Variants in PHKB observed in about 807,000 individuals in gnomAD.
The protein encoded by PHKB is phosphorylase kinase regulatory subunit beta, also known as phosphorylase b kinase regulatory subunit beta.
In PHKB, 122 loss-of-function variants were observed where a neutral mutation model predicts 152.1. That is an observed-to-expected ratio of 0.80 (90% CI 0.69 to 0.93). The LOEUF is 0.93. Among genes scored for constraint, PHKB ranks in the 40% least tolerant of loss-of-function variants. The pLI is 0.00. For synonymous variants in PHKB, 436 were observed against 464.9 expected, an observed-to-expected ratio of 0.94 and a Z score of 0.80; for missense variants, 1,304 against 1,328.4, an observed-to-expected ratio of 0.98 and a Z score of 0.29.
At chr16:47,687,233 A>G (rs1973980260) in intron 26 of PHKB, among the ~76,000 whole-genome samples, 2 of 152,256 alleles carry the variant, frequency 1.3e-5, no homozygotes, top group Non-Finnish European at 2.9e-5. Context: ...TGCCTGGTCT[A>G]TAAAATAAAA....
At chr16:47,652,731 C>T (rs910264552) in intron 20 of PHKB, among the ~76,000 whole-genome samples, 3 of 152,102 alleles carry the variant, frequency 2.0e-5, no homozygotes, top group African/African-American at 7.2e-5. Context: ...CTCCCTCGAC[C>T]ACCTAAGCTC....
intron 1 of PHKB, among the ~76,000 whole-genome samples, chr16:47,483,897 A>G (rs116970146): frequency 0.012 from 1,767 of 152,326 alleles, 15 homozygotes; most frequent in Non-Finnish European, 0.016. Context: ...TGTGCCAGGC[A>G]CTGTTGGCAC....
intron 14 of PHKB, among the ~76,000 whole-genome samples, chr16:47,638,981 A>ATGG (rs1567337117): frequency 6.6e-6 from 1 of 152,356 alleles, no homozygotes; most frequent in East Asian, 1.9e-4. Flanking sequence ...TTGGACAACA[A>ATGG]TGGTGGTGGT....
At chr16:47,504,870 A>G (rs778427848) in intron 4 of PHKB, among the ~76,000 whole-genome samples, 1 of 152,246 alleles carries the variant, frequency 6.6e-6, no homozygotes, top group Non-Finnish European at 1.5e-5. Flanking sequence ...CCACTGGCCC[A>G]TCTCACCCAG....
chr16:47,549,394 A>G (rs941146814), intron 7 of PHKB, among the ~76,000 whole-genome samples: 1 of 152,194 alleles, frequency 6.6e-6, no homozygotes, highest in East Asian at 1.9e-4. Context: ...TTTTCTGTTT[A>G]TAAAAACTGC....
intron 26 of PHKB, among the ~76,000 whole-genome samples, chr16:47,685,415 ACTC>A (rs1011056728): frequency 1.3e-5 from 2 of 151,828 alleles, no homozygotes; most frequent in Non-Finnish European, 2.9e-5. Context: ...ACAGGGCGAG[ACTC>A]CTCCTCAAAA....
At chr16:47,470,470 G>T (rs990574472) in intron 1 of PHKB, among the ~76,000 whole-genome samples, 1 of 152,248 alleles carries the variant, frequency 6.6e-6, no homozygotes, top group African/African-American at 2.4e-5. Flanking sequence ...CAACTTTCCA[G>T]AGTGGGCGTT....
At chr16:47,559,324 T>TG (rs1279725052) in intron 7 of PHKB, among the ~76,000 whole-genome samples, 4 of 152,230 alleles carry the variant, frequency 2.6e-5, no homozygotes, top group Non-Finnish European at 5.9e-5. Context: ...CTAATTGTTC[T>TG]GGGTACATGG....
In PHKB at chr16:47,700,632, G is replaced by C. The variant is rs1245130318; in HGVS notation, c.*1266G>C. On this transcript the variant is annotated 3_prime_UTR_variant, in exon 31 of 31. Coordinates refer to ENST00000323584, the MANE Select transcript of PHKB (RefSeq NM_000293.3). ...TAAACTTTAATGAAAGTAGAAAGTA[G>C]ATTAAACATTTAAATTTTATTTCTT... The C allele has an allele frequency of 6.6e-6, 1 of 151,554 alleles. No individual in the cohort carries two copies. Among genetic ancestry groups the C allele is most frequent in the Non-Finnish European group, 1.5e-5 (1 of 67,920 alleles). 9.4% of individuals were successfully genotyped at this position (151,554 alleles called of 1,614,324 possible). A position where few individuals can be genotyped will look rare whatever the true frequency, so the allele number is the denominator to read the frequency against.
At chr16:47,510,487 C>T (rs1970491987) in intron 4 of PHKB, among the ~76,000 whole-genome samples, 1 of 152,096 alleles carries the variant, frequency 6.6e-6, no homozygotes, top group Admixed American at 6.5e-5. Context: ...TTCTTTTTGC[C>T]CCTGTTGCTC....
intron 13 of PHKB, chr16:47,598,957 A>G: frequency 7.0e-7 from 1 of 1,428,594 alleles, no homozygotes; most frequent in Non-Finnish European, 9.8e-7. Flanking sequence ...AGTATTGCAC[A>G]CAGCCAATCC....
intron 13 of PHKB, among the ~76,000 whole-genome samples, chr16:47,600,400 T>C (rs1411603659): frequency 1.3e-5 from 2 of 152,238 alleles, no homozygotes; most frequent in African/African-American, 4.8e-5. Context: ...TCTTAAGATA[T>C]ATTTGACGTG....
chr16:47,607,904 T>G (rs1317840461), intron 13 of PHKB, among the ~76,000 whole-genome samples: 2 of 152,196 alleles, frequency 1.3e-5, no homozygotes, highest in African/African-American at 4.8e-5. Flanking sequence ...GATACCTCAT[T>G]GTGGTTTTGA....
At chr16:47,467,269 C>T (rs1346378858) in intron 1 of PHKB, among the ~76,000 whole-genome samples, 2 of 152,102 alleles carry the variant, frequency 1.3e-5, no homozygotes, top group Non-Finnish European at 2.9e-5. Flanking sequence ...ATCTGTCATG[C>T]TTAAATACAA....
chr16:47,550,176 G>A (rs1041961468), intron 7 of PHKB, among the ~76,000 whole-genome samples: 2 of 152,148 alleles, frequency 1.3e-5, no homozygotes, highest in Admixed American at 6.5e-5. Context: ...TTGAAACTGC[G>A]AGAGAGTTGA....
chr16:47,607,802 A>G (rs757171791), intron 13 of PHKB, among the ~76,000 whole-genome samples: 3 of 152,036 alleles, frequency 2.0e-5, no homozygotes, highest in Non-Finnish European at 4.4e-5. Flanking sequence ...CATCAACACT[A>G]TTTGAGGGTT....
chr16:47,660,397 T>A (rs796110144), intron 20 of PHKB, 109 bp from the exon 21 acceptor site: 2 of 843,438 alleles, frequency 2.4e-6, no homozygotes, highest in South Asian at 1.4e-5. Flanking sequence ...TATATATTTT[T>A]AAGCAATTTT....
intron 8 of PHKB, among the ~76,000 whole-genome samples, chr16:47,586,771 A>G (rs1971941946): frequency 6.6e-6 from 1 of 152,184 alleles, no homozygotes; most frequent in South Asian, 2.1e-4. Context: ...CCTTATTCCC[A>G]TCCAGTTCTA....
At chr16:47,482,852 C>T (rs1251729790) in intron 1 of PHKB, among the ~76,000 whole-genome samples, 1 of 151,494 alleles carries the variant, frequency 6.6e-6, no homozygotes, top group Non-Finnish European at 1.5e-5. Flanking sequence ...TCCCATGTAA[C>T]TGGGATTGCA....
Sources: allele counts gnomAD v4.1 joint callset (sites outside exome capture counted in the v4.1 genomes callset), GRCh38; gene constraint gnomAD v4.1.1; transcripts MANE v1.5; gene names NCBI Gene and HGNC (gene_info 2026-07-23, HGNC 2026-07-21).